MARK3: variants seen among roughly 807,000 people sequenced by gnomAD.
MARK3 encodes the protein microtubule affinity regulating kinase 3.
In MARK3, 46 loss-of-function variants were observed where a neutral mutation model predicts 90.1. The observed-to-expected ratio is 0.51, with a 90% CI of 0.40 to 0.65. The LOEUF is 0.65. Ranked by LOEUF, MARK3 falls within the 30% of genes least tolerant of loss-of-function variation. The pLI is 0.00. For missense variants in MARK3, 818 were observed against 947.2 expected, an observed-to-expected ratio of 0.86 and a Z score of 1.79; for synonymous variants, 321 against 332.6, an observed-to-expected ratio of 0.97 and a Z score of 0.38.
chr14:103,478,647 C>G (rs185942592), intron 13 of MARK3, among the ~76,000 whole-genome samples: 1,565 of 149,526 alleles, frequency 0.01, 15 homozygotes, highest in Admixed American at 0.017. Flanking sequence ...TCAAGCGATT[C>G]TCCTGCCTCA....
At chr14:103,461,120 G>A (rs923104958) in intron 6 of MARK3, among the ~76,000 whole-genome samples, 1 of 152,172 alleles carries the variant, frequency 6.6e-6, no homozygotes, top group Non-Finnish European at 1.5e-5. Context: ...ATGGGGCTTA[G>A]AGCTAAGAGT....
At chr14:103,425,401 T>C (rs1477605921) in intron 2 of MARK3, among the ~76,000 whole-genome samples, 1 of 151,696 alleles carries the variant, frequency 6.6e-6, no homozygotes, top group East Asian at 1.9e-4. Flanking sequence ...CTGGTGGGAT[T>C]ATAGGCATCC....
intron 1 of MARK3, among the ~76,000 whole-genome samples, chr14:103,390,363 G>C (rs931461286): frequency 6.6e-6 from 1 of 152,226 alleles, no homozygotes; most frequent in Non-Finnish European, 1.5e-5. Context: ...AATGACAGAA[G>C]ACCACTAACT....
chr14:103,453,383 A>C (rs1469922685), intron 5 of MARK3, among the ~76,000 whole-genome samples: 1 of 152,226 alleles, frequency 6.6e-6, no homozygotes, highest in African/African-American at 2.4e-5. Flanking sequence ...ACATTCTGTT[A>C]AACTCTATCG....
rs1196251964 is a variant in MARK3, at chr14:103,405,087, T to C, written c.63T>C (p.His21=). 2.5e-6 allele frequency: 4 copies of C among 1,613,722 alleles called. No individual in the cohort carries two copies. In the South Asian group the frequency reaches 3.3e-5, roughly 13 times the overall value. ...ATGCTGTATTGCAGCACACGTCACA[T>C]GGAGATGGGCGTCAAGAAGTTACCT... ...NERDTENHTS[H]GDGRQEVTSR... is the part of the protein sequence containing the mutation. The change falls in exon 2 of 18, where the codon CAT becomes CAC. Residue 21 remains histidine, a synonymous_variant. Transcript: ENST00000429436.
intron 4 of MARK3, among the ~76,000 whole-genome samples, chr14:103,450,925 T>C (rs1166060856): frequency 4.6e-4 from 6 of 13,000 alleles, no homozygotes; most frequent in African/African-American, 1.4e-3. Context: ...TGTATTCTTT[T>C]TTTTTTTTTT....
chr14:103,491,664 C>T, intron 14 of MARK3, 113 bp from the exon 15 acceptor site: 1 of 1,188,996 alleles, frequency 8.4e-7, no homozygotes, highest in Non-Finnish European at 1.2e-6. Flanking sequence ...TAAAATACCC[C>T]TTGGATCTGG....
chr14:103,481,757 C>CTTTTTTTTTTTTTTTTTTTTTTTTTT (rs71126030), intron 14 of MARK3, among the ~76,000 whole-genome samples: 2 of 49,778 alleles, frequency 4.0e-5, no homozygotes, highest in Non-Finnish European at 3.3e-5. Context: ...ATAGGTATTT[C>CTTTTTTTTTTTTTTTTTTTTTTTTTT]TTTTTTTTTT....
In MARK3 at chr14:103,464,289, CTTTTTTTTTTTTTTTTT is replaced by C. The variant is rs143005949; in HGVS notation, c.541-1257_541-1241del. ...TTCTTAAAGTGACTGTGATTTGTCT[CTTTTTTTTTTTTTTTTT>C]TTTTTTTTTTGAGACGGAGTCTCAC... On this transcript the variant is annotated intron_variant, in intron 7 of 17. Coordinates refer to ENST00000429436, the MANE Select transcript of MARK3 (RefSeq NM_001128918.3). Among the ~76,000 whole-genome samples the C allele has an allele frequency of 2.5e-4, 17 of 68,666 alleles. 1 individual carries two copies. Among genetic ancestry groups the C allele is most frequent in the Admixed American group, 6.5e-4 (3 of 4,618 alleles). The allele number at this position is 68,666 out of a possible 152,430, so 45.0% of individuals were successfully genotyped here.
chr14:103,470,472 T>TTTTTTTTTTTTTTTTTTTTTTTTC (rs1595836589), intron 12 of MARK3, among the ~76,000 whole-genome samples: 1 of 137,232 alleles, frequency 7.3e-6, no homozygotes, highest in African/African-American at 2.6e-5. Flanking sequence ...TTTTTTTTTT[T>TTTTTTTTTTTTTTTTTTTTTTTTC]GAGATGGAGT....
At chr14:103,466,535 A>C (rs971824808) in intron 10 of MARK3, 93 bp downstream of exon 10, 1 of 792,902 alleles carries the variant, frequency 1.3e-6, no homozygotes, top group Admixed American at 2.5e-5. Context: ...TGAATAATGG[A>C]AAGTTAAGCA....
At chr14:103,456,532 A>G (rs977198843) in intron 5 of MARK3, among the ~76,000 whole-genome samples, 1 of 152,218 alleles carries the variant, frequency 6.6e-6, no homozygotes, top group Admixed American at 6.5e-5. Flanking sequence ...AGCAAAACAC[A>G]AGGGTGTGCA....
intron 3 of MARK3, among the ~76,000 whole-genome samples, chr14:103,428,959 A>G (rs1400979955): frequency 6.6e-6 from 1 of 152,222 alleles, no homozygotes; most frequent in Admixed American, 6.5e-5. Context: ...CAGTATTGCC[A>G]TTAGTATCAT....
chr14:103,397,170 G>A (rs1234585204), intron 1 of MARK3, among the ~76,000 whole-genome samples: 1 of 151,634 alleles, frequency 6.6e-6, no homozygotes, highest in African/African-American at 2.4e-5. Context: ...TTTTCTCTTG[G>A]GGCAGGAATT....
At position 103,492,002 on chromosome 14, in the gene MARK3, C is replaced by G; in HGVS notation, c.1812C>G (p.Leu604=). The change falls in exon 15 of 18, where the codon CTC becomes CTG. Residue 604 remains leucine, a synonymous_variant. Transcript: ENST00000429436. ...SQTRSRGSTN[L]FSKLTSKLTR... The stretch of plus-strand genomic sequence containing the variant: ...CTCGAAGCCGAGGCTCCACTAATCT[C>G]TTTAGTAAATTAACTTCAAAACTCA... The G allele has an allele frequency of 6.2e-7, 1 of 1,614,194 alleles. No homozygotes were observed. Among genetic ancestry groups the G allele is most frequent in the Non-Finnish European group, 8.5e-7 (1 of 1,180,038 alleles).
intron 4 of MARK3, among the ~76,000 whole-genome samples, chr14:103,449,303 C>T (rs976953083): frequency 6.7e-6 from 1 of 150,150 alleles, no homozygotes; most frequent in South Asian, 2.1e-4. Context: ...GGGCTGGGCA[C>T]AGTGGCTCAT....
Position 103,503,503 on chromosome 14 carries a change from TGA to T in MARK3, c.*280_*281del. 2.2e-6 allele frequency: 1 copy of T among 463,228 alleles called. No homozygotes were observed. The highest frequency in any genetic ancestry group is 3.9e-6 in the Non-Finnish European group (1 of 256,830). The allele number at this position is 463,228 out of a possible 1,614,324, so 28.7% of individuals were successfully genotyped here. On this transcript the variant is annotated 3_prime_UTR_variant, in exon 18 of 18. Transcript: ENST00000429436. ...CATGTGCCTCCCGTCTGGGTGGGTG[TGA>T]GAGTGGACGGTATGTGTGTGAAGTG... is the stretch of plus-strand genomic sequence containing the variant.
chr14:103,492,617 CTAT>C (rs1273611322), intron 15 of MARK3, among the ~76,000 whole-genome samples: 3 of 152,180 alleles, frequency 2.0e-5, no homozygotes, highest in Admixed American at 1.3e-4. Context: ...AATAATGTTA[CTAT>C]TATTAAGTTA....
chr14:103,429,432 A>G lies in MARK3; in HGVS notation c.297+992A>G, dbSNP rs544136823. 2.0e-5 allele frequency: 3 copies of G among 152,348 alleles called. No individual in the cohort carries two copies. The East Asian group carries it at 5.8e-4, about 29-fold the overall frequency. The allele number at this position is 152,348 out of a possible 1,614,324, so 9.4% of individuals were successfully genotyped here. A position where few individuals can be genotyped will look rare whatever the true frequency, so the allele number is the denominator to read the frequency against. ...CTTTGTAAACTGCACAGCACTGCACAGTTGTGCGATATTTTGATAAGAGCA... is the reference window on the plus strand; with the variant it reads ...CTTTGTAAACTGCACAGCACTGCACGGTTGTGCGATATTTTGATAAGAGCA... On this transcript the variant is annotated intron_variant, in intron 3 of 17. Coordinates refer to ENST00000429436, the MANE Select transcript of MARK3 (RefSeq NM_001128918.3).
Sources: allele counts gnomAD v4.1 joint callset (sites outside exome capture counted in the v4.1 genomes callset), GRCh38; gene constraint gnomAD v4.1.1; transcripts MANE v1.5; gene names NCBI Gene and HGNC (gene_info 2026-07-23, HGNC 2026-07-21).